The following TECR variants were observed in gnomAD, a reference collection of about 807,000 sequenced individuals.
The protein encoded by TECR is very-long-chain enoyl-CoA reductase.
A neutral mutation model predicts 50.6 loss-of-function variants in TECR; 19 were observed. The observed-to-expected ratio is 0.38, with a 90% CI of 0.26 to 0.55. The LOEUF is 0.55. Ranked by LOEUF, TECR falls within the 20% of genes least tolerant of loss-of-function variation. TECR has a pLI of 0.79. For synonymous variants in TECR, 168 were observed against 163.5 expected (o/e 1.03, Z -0.21); for missense variants, 313 against 408.3 (o/e 0.77, Z 2.01).
intron 1 of TECR, among the ~76,000 whole-genome samples, chr19:14,547,747 C>T (rs1764546545): frequency 6.6e-6 from 1 of 151,558 alleles, no homozygotes; most frequent in Non-Finnish European, 1.5e-5. Context: ...CAGCTTGGGC[C>T]TCCTGGGCTT....
Position 14,543,983 on chromosome 19 carries a change from C to G in TECR, c.15+14272C>G, listed in dbSNP as rs144196512. Among the ~76,000 whole-genome samples the G allele has an allele frequency of 9.5e-3, 1,447 of 152,150 alleles. 12 individuals carry two copies. The highest frequency in any genetic ancestry group is 0.017 in the Non-Finnish European group (1,163 of 68,010). Reference sequence around the variant, plus strand: ...GAACTCCTGACCTCAAATGATCCTCCCGCCTCAGCCTCCCAAAGTGCTAGG... The same window carrying G: ...GAACTCCTGACCTCAAATGATCCTCGCGCCTCAGCCTCCCAAAGTGCTAGG... On this transcript the variant is annotated intron_variant, in intron 1 of 12. Transcript: ENST00000215567.
Position 14,564,276 on chromosome 19 carries a change from A to T in TECR, c.478A>T (p.Asn160Tyr). 1 of 1,604,784 alleles carries T rather than the reference A, an allele frequency of 6.2e-7. No individual in the cohort carries two copies. Residue 160 changes from asparagine to tyrosine, a missense_variant, in exon 7 of 13, where the codon AAC (asparagine) becomes TAC (tyrosine). Transcript: ENST00000215567. ...CTCCCATGGCACTATGCCTTTGCGC[A>T]ACATCTTCAAGGTGAGAGCCCGTCC... ...RFSHGTMPLR[N>Y]IFKNCTYYWG...
chr19:14,528,539 G>C (rs1310548698), upstream of TECR, among the ~76,000 whole-genome samples: 1 of 152,050 alleles, frequency 6.6e-6, no homozygotes, highest in Non-Finnish European at 1.5e-5. Context: ...TTCCCGGCCT[G>C]GACCAGCCCC....
chr19:14,563,316 TGGGA>T lies in TECR; in HGVS notation c.118+64_118+67del. 2.7e-6 allele frequency: 4 copies of T among 1,487,148 alleles called. No individual in the cohort carries two copies. Among genetic ancestry groups the T allele is most frequent in the Non-Finnish European group, 3.7e-6 (4 of 1,073,248 alleles). The allele number at this position is 1,487,148 out of a possible 1,614,324, so 92.1% of individuals were successfully genotyped here. A position where few individuals can be genotyped will look rare whatever the true frequency, so the allele number is the denominator to read the frequency against. The stretch of plus-strand genomic sequence containing the variant: ...ACCCCTTTGACCAGGGACCTTAGGG[TGGGA>T]GGGATCCCATCCTGCACCCCTCTCC... On this transcript the variant is annotated intron_variant, in intron 3 of 12. Coordinates refer to ENST00000215567, the MANE Select transcript of TECR (RefSeq NM_138501.6). This position sits in a 1 kb window ranked among gnomAD's most constrained non-coding sequence, Gnocchi z 5.3.
At chr19:14,543,419 A>ATTTT (rs1169742953) in intron 1 of TECR, among the ~76,000 whole-genome samples, 2 of 21,892 alleles carry the variant, frequency 9.1e-5, no homozygotes, top group Non-Finnish European at 1.4e-4. Context: ...ATATATATAT[A>ATTTT]TTTTTTTTTT....
At chr19:14,529,525 G>C, upstream of TECR, 1 of 860,196 alleles carries the variant, frequency 1.2e-6, no homozygotes, top group Non-Finnish European at 1.9e-6. Context: ...GGCGAACGTG[G>C]GCGCCTCGTG....
chr19:14,529,536 C>T (rs373360580), upstream of TECR: 29 of 1,009,038 alleles, frequency 2.9e-5, no homozygotes, highest in African/African-American at 4.1e-4. Flanking sequence ...GCGCCTCGTG[C>T]CCTGATTGGC....
intron 1 of TECR, among the ~76,000 whole-genome samples, chr19:14,544,341 G>T (rs1186831819): frequency 6.6e-6 from 1 of 152,114 alleles, no homozygotes; most frequent in Non-Finnish European, 1.5e-5. Flanking sequence ...AGGGTCTCTG[G>T]ATACTTGTGG....
In TECR at chr19:14,529,620, C is replaced by G. The variant is rs201564572; in HGVS notation, c.-77C>G. The G allele has an allele frequency of 5.2e-5, 84 of 1,608,122 alleles. No individual in the cohort carries two copies. The highest frequency in any genetic ancestry group is 6.8e-5 in the Non-Finnish European group (80 of 1,175,310). ...TTTAGTCTATCGCTGCGGTTGCGAG[C>G]GCTGTAGGGAGCCTGTGCTGTGCCG... On this transcript the variant is annotated 5_prime_UTR_variant, in exon 1 of 13. Transcript: ENST00000215567.
At chr19:14,529,788 C>A in intron 1 of TECR, 77 bp downstream of exon 1, 1 of 1,599,434 alleles carries the variant, frequency 6.3e-7, no homozygotes, top group Non-Finnish European at 8.6e-7. Flanking sequence ...CACGGGACCC[C>A]ACTTTCTGGT....
chr19:14,547,923 GC>G (rs2073360351), intron 1 of TECR, among the ~76,000 whole-genome samples: 1 of 150,868 alleles, frequency 6.6e-6, no homozygotes, highest in African/African-American at 2.4e-5. Flanking sequence ...GGATCCTCCT[GC>G]CTTGGCCTCC....
chr19:14,529,622 C>G lies in TECR; in HGVS notation c.-75C>G. ...TAGTCTATCGCTGCGGTTGCGAGCGCTGTAGGGAGCCTGTGCTGTGCCGCG... is the reference window on the plus strand; with the variant it reads ...TAGTCTATCGCTGCGGTTGCGAGCGGTGTAGGGAGCCTGTGCTGTGCCGCG... On this transcript the variant is annotated 5_prime_UTR_variant, in exon 1 of 13. Transcript: ENST00000215567. The G allele has an allele frequency of 6.2e-7, 1 of 1,610,492 alleles. No homozygotes were observed.
intron 2 of TECR, 51 bp downstream of exon 2, chr19:14,562,626 C>T (rs2073936495): frequency 6.2e-7 from 1 of 1,605,154 alleles, no homozygotes; most frequent in Middle Eastern, 1.7e-4. Flanking sequence ...GGCCCGGGAC[C>T]CCAATCCTTA....
chr19:14,555,499 G>T (rs1318312770), intron 1 of TECR, among the ~76,000 whole-genome samples: 1 of 139,446 alleles, frequency 7.2e-6, no homozygotes, highest in East Asian at 2.1e-4. Context: ...AGGCTGGAGT[G>T]CAGTGGTGCA....
intron 1 of TECR, among the ~76,000 whole-genome samples, chr19:14,559,626 A>G (rs2073845163): frequency 6.6e-6 from 1 of 151,992 alleles, no homozygotes; most frequent in South Asian, 2.1e-4. Flanking sequence ...ATCTCTCCTA[A>G]AATACAAAAA....
intron 1 of TECR, among the ~76,000 whole-genome samples, chr19:14,534,656 C>T (rs748770273): frequency 3.3e-5 from 5 of 152,108 alleles, no homozygotes; most frequent in African/African-American, 4.8e-5. Context: ...AGGCTGGTCT[C>T]GAACTCCTGG....
In TECR at chr19:14,563,910, C is replaced by T. The variant is rs1356509761; in HGVS notation, c.267+7C>T. The T allele has an allele frequency of 1.9e-6, 3 of 1,613,932 alleles. No homozygotes were observed. The highest frequency in any genetic ancestry group is 2.7e-5 in the African/African-American group (2 of 74,906). On this transcript the variant is annotated splice_region_variant and intron_variant, in intron 5 of 12. Transcript: ENST00000215567. The surrounding 1 kb of genome is among the most constrained non-coding windows in gnomAD (Gnocchi z 5.3). ...CCAGATCAGCTGGGTGACGGTGAGT[C>T]CTGACCCTACCCACGGCCTCTTTTC...
At chr19:14,528,711 G>A (rs931846962), upstream of TECR, among the ~76,000 whole-genome samples, 24 of 151,898 alleles carry the variant, frequency 1.6e-4, no homozygotes, top group African/African-American at 5.8e-4. Context: ...AGGCTGAGGC[G>A]GGAGGATCAC....
chr19:14,535,696 G>A (rs1391654389), intron 1 of TECR, among the ~76,000 whole-genome samples: 1 of 137,316 alleles, frequency 7.3e-6, no homozygotes, highest in African/African-American at 2.8e-5. Context: ...TGGAGGTCGC[G>A]GACGAGCTGA....
Sources: gnomAD v4.1 joint callset for allele counts (sites outside exome capture counted in the v4.1 genomes callset) on GRCh38, gnomAD v4.1.1 for gene constraint, Gnocchi (gnomAD v3.1) non-coding constraint, MANE v1.5 for transcripts, NCBI Gene and HGNC (gene_info 2026-07-23, HGNC 2026-07-21) for gene names.